The following HS3ST2 variants were observed in gnomAD, a reference collection of about 807,000 sequenced individuals.
The protein encoded by HS3ST2 is heparan sulfate glucosamine 3-O-sulfotransferase 2.
Under a neutral mutation model 26.3 loss-of-function variants are expected in HS3ST2, and 17 were observed. That is an observed-to-expected ratio of 0.65 (90% CI 0.44 to 0.97). The LOEUF is 0.97. Among genes scored for constraint, HS3ST2 ranks in the 50% least tolerant of loss-of-function variants. The pLI is 0.00. For synonymous variants in HS3ST2, 237 were observed against 219.2 expected (o/e 1.08, Z -0.72); for missense variants, 402 against 501.2 (o/e 0.80, Z 1.89).
intron 1 of HS3ST2, among the ~76,000 whole-genome samples, chr16:22,828,573 T>G (rs902056915): frequency 2.6e-5 from 4 of 152,250 alleles, no homozygotes; most frequent in Non-Finnish European, 5.9e-5. Flanking sequence ...AGTGTGTTTC[T>G]GCTTTGATGG....
chr16:22,837,937 C>T (rs78788748), intron 1 of HS3ST2, among the ~76,000 whole-genome samples: 1 of 152,008 alleles, frequency 6.6e-6, no homozygotes, highest in African/African-American at 2.4e-5. Context: ...TATGCTTTTA[C>T]ATTCATCTAC....
intron 1 of HS3ST2, among the ~76,000 whole-genome samples, chr16:22,865,840 T>C (rs945794010): frequency 7.2e-5 from 11 of 152,172 alleles, no homozygotes; most frequent in Non-Finnish European, 1.0e-4. Flanking sequence ...AGTAGCCAAG[T>C]AGGATTCCTT....
At chr16:22,840,868 G>T (rs892058775) in intron 1 of HS3ST2, among the ~76,000 whole-genome samples, 3 of 152,032 alleles carry the variant, frequency 2.0e-5, no homozygotes, top group Admixed American at 2.0e-4. Context: ...CAACGTGCAG[G>T]TTAGTTACAT....
chr16:22,817,180 A>G (rs1484159876), intron 1 of HS3ST2, among the ~76,000 whole-genome samples: 2 of 151,956 alleles, frequency 1.3e-5, no homozygotes, highest in African/African-American at 2.4e-5. Flanking sequence ...GGTAGGTTTT[A>G]TTTAACATCA....
At chr16:22,823,699 T>G (rs1475158436) in intron 1 of HS3ST2, among the ~76,000 whole-genome samples, 1 of 151,602 alleles carries the variant, frequency 6.6e-6, no homozygotes, top group Non-Finnish European at 1.5e-5. Context: ...ACATGGGAGA[T>G]TCACTTGAGC....
chr16:22,866,026 C>G (rs1901744775), intron 1 of HS3ST2, among the ~76,000 whole-genome samples: 1 of 152,104 alleles, frequency 6.6e-6, no homozygotes, highest in African/African-American at 2.4e-5. Context: ...AGAGGATGGT[C>G]TTTAATGTAA....
intron 1 of HS3ST2, among the ~76,000 whole-genome samples, chr16:22,905,998 C>T (rs189715010): frequency 1.7e-3 from 266 of 152,218 alleles, no homozygotes; most frequent in African/African-American, 6.2e-3. Context: ...TATTAAAGGA[C>T]ACGTGGCTAA....
intron 1 of HS3ST2, among the ~76,000 whole-genome samples, chr16:22,906,276 C>T (rs1222415921): frequency 6.6e-6 from 1 of 152,056 alleles, no homozygotes; most frequent in Admixed American, 6.6e-5. Flanking sequence ...GAGGCTGTAA[C>T]AGGAGGATCG....
chr16:22,847,937 A>C (rs1901465329), intron 1 of HS3ST2, among the ~76,000 whole-genome samples: 1 of 151,732 alleles, frequency 6.6e-6, no homozygotes, highest in African/African-American at 2.4e-5. Flanking sequence ...GAAGGAAGGA[A>C]GGAAGGAGGG....
intron 1 of HS3ST2, among the ~76,000 whole-genome samples, chr16:22,817,480 G>C (rs899178656): frequency 6.6e-6 from 1 of 152,164 alleles, no homozygotes; most frequent in Non-Finnish European, 1.5e-5. Context: ...ACATCTTTCT[G>C]TATGTAAAGA....
chr16:22,848,222 A>G (rs776762188), intron 1 of HS3ST2, among the ~76,000 whole-genome samples: 80 of 152,328 alleles, frequency 5.3e-4, no homozygotes, highest in Non-Finnish European at 9.0e-4. Flanking sequence ...TGCCTGTTTC[A>G]TCTTAGGCAG....
At chr16:22,876,499 A>G (rs1211143458) in intron 1 of HS3ST2, among the ~76,000 whole-genome samples, 1 of 152,164 alleles carries the variant, frequency 6.6e-6, no homozygotes, top group Non-Finnish European at 1.5e-5. Flanking sequence ...AACATAATAG[A>G]TGTTGGCATG....
At chr16:22,894,013 G>A (rs1375584263) in intron 1 of HS3ST2, among the ~76,000 whole-genome samples, 1 of 152,054 alleles carries the variant, frequency 6.6e-6, no homozygotes, top group Non-Finnish European at 1.5e-5. Context: ...TAGAGACTTG[G>A]TCTTACTATG....
At chr16:22,857,514 T>A (rs1408320385) in intron 1 of HS3ST2, among the ~76,000 whole-genome samples, 1 of 152,224 alleles carries the variant, frequency 6.6e-6, no homozygotes, top group African/African-American at 2.4e-5. Context: ...AAAAATTCAC[T>A]TACAAGTTTG....
chr16:22,895,961 C>T (rs1264407095), intron 1 of HS3ST2, among the ~76,000 whole-genome samples: 1 of 151,516 alleles, frequency 6.6e-6, no homozygotes, highest in Non-Finnish European at 1.5e-5. Flanking sequence ...TTTGATGTAT[C>T]AAATTATTAA....
At chr16:22,816,083 C>T (rs1483962542) in intron 1 of HS3ST2, among the ~76,000 whole-genome samples, 1 of 152,202 alleles carries the variant, frequency 6.6e-6, no homozygotes, top group African/African-American at 2.4e-5. Flanking sequence ...GTCCACGCCT[C>T]AATGCCTTTC....
chr16:22,866,319 G>GCA (rs879336612), intron 1 of HS3ST2, among the ~76,000 whole-genome samples: 18 of 147,772 alleles, frequency 1.2e-4, no homozygotes, highest in Non-Finnish European at 1.9e-4. Flanking sequence ...AAGCACGTGC[G>GCA]CGCGCGCGCA....
At chr16:22,820,198 G>C (rs1900970218) in intron 1 of HS3ST2, among the ~76,000 whole-genome samples, 1 of 152,104 alleles carries the variant, frequency 6.6e-6, no homozygotes, top group Admixed American at 6.5e-5. Context: ...GCAGCACTCT[G>C]TCAGCCTTGC....
intron 1 of HS3ST2, among the ~76,000 whole-genome samples, chr16:22,895,226 A>G (rs942578762): frequency 6.6e-6 from 1 of 152,058 alleles, no homozygotes; most frequent in Non-Finnish European, 1.5e-5. Flanking sequence ...AGTAGCTGGG[A>G]TTACAGGCAC....
Sources: gnomAD v4.1 joint callset for allele counts (sites outside exome capture counted in the v4.1 genomes callset) on GRCh38, gnomAD v4.1.1 for gene constraint, MANE v1.5 for transcripts, NCBI Gene and HGNC (gene_info 2026-07-23, HGNC 2026-07-21) for gene names.